The following ZNF83 variants were observed in gnomAD, a reference collection of about 807,000 sequenced individuals.
ZNF83 encodes zinc finger protein 83.
For synonymous variants in ZNF83, 209 were observed against 213.0 expected, an observed-to-expected ratio of 0.98 and a Z score of 0.17; for missense variants, 552 against 629.9, an observed-to-expected ratio of 0.88 and a Z score of 1.32.
chr19:52,644,058 A>G (rs2147231610), intron 3 of ZNF83, among the ~76,000 whole-genome samples: 1 of 152,138 alleles, frequency 6.6e-6, no homozygotes, highest in East Asian at 1.9e-4. Flanking sequence ...AAGCTGGTGG[A>G]GGGTTCCCTG....
In ZNF83 at chr19:52,685,476, C is replaced by A. The variant is rs1185649845; in HGVS notation, c.-283+4967G>T. ...TGCCACTGATTCCTGACATTTAATT[C>A]TTCCTTAAAAAAAAATCACAGTCAC... is the stretch of plus-strand genomic sequence containing the variant. On this transcript the variant is annotated intron_variant, in intron 1 of 5. Transcript: ENST00000594682. 3.3e-5 allele frequency among the ~76,000 whole-genome samples: 5 copies of A among 152,010 alleles called. No homozygotes were observed. In the East Asian group the frequency reaches 9.6e-4, roughly 29 times the overall value.
chr19:52,621,272 C>T (rs2060532730), intron 2 of ZNF83, among the ~76,000 whole-genome samples: 1 of 152,184 alleles, frequency 6.6e-6, no homozygotes, highest in Non-Finnish European at 1.5e-5. Context: ...ACTGTCTTCT[C>T]CAACTTTGTC....
At chr19:52,664,264 T>C (rs2061617600) in intron 1 of ZNF83, among the ~76,000 whole-genome samples, 2 of 151,318 alleles carry the variant, frequency 1.3e-5, no homozygotes, top group African/African-American at 4.9e-5. Context: ...GGGAGGCCGA[T>C]GCGGCTGGAT....
At chr19:52,673,386 T>G (rs1568576881) in intron 1 of ZNF83, among the ~76,000 whole-genome samples, 1 of 151,694 alleles carries the variant, frequency 6.6e-6, no homozygotes, top group Non-Finnish European at 1.5e-5. Context: ...GCCTGTAATC[T>G]CAGATATTCA....
chr19:52,686,253 C>T (rs555249429), intron 1 of ZNF83, among the ~76,000 whole-genome samples: 12 of 151,878 alleles, frequency 7.9e-5, no homozygotes, highest in Non-Finnish European at 1.6e-4. Context: ...TAATTTCAAA[C>T]CGAAACTATT....
intron 2 of ZNF83, chr19:52,618,842 T>C (rs977077060): frequency 1.3e-6 from 2 of 1,486,262 alleles, no homozygotes; most frequent in South Asian, 1.2e-5. Context: ...GCTTCCATTT[T>C]AGTCAAGCAA....
upstream of ZNF83, among the ~76,000 whole-genome samples, chr19:52,643,142 C>T (rs1233492812): frequency 6.6e-6 from 1 of 151,472 alleles, no homozygotes; most frequent in Admixed American, 6.6e-5. Context: ...CATGCCACTG[C>T]ACTCCAGCTG....
chr19:52,639,563 G>T (rs370399377), upstream of ZNF83, among the ~76,000 whole-genome samples: 1 of 151,120 alleles, frequency 6.6e-6, no homozygotes, highest in African/African-American at 2.4e-5. Context: ...CATTACAGAC[G>T]CGCACAACCA....
intron 1 of ZNF83, among the ~76,000 whole-genome samples, chr19:52,661,959 G>C (rs898741219): frequency 6.6e-6 from 1 of 152,182 alleles, no homozygotes; most frequent in African/African-American, 2.4e-5. Flanking sequence ...CCTGAGACAG[G>C]AGCAACCTCA....
At chr19:52,628,313 A>G (rs1356951502) in intron 2 of ZNF83, among the ~76,000 whole-genome samples, 2 of 152,124 alleles carry the variant, frequency 1.3e-5, no homozygotes, top group African/African-American at 4.8e-5. Flanking sequence ...GACCAGCCCA[A>G]GAAACATCTC....
chr19:52,676,262 C>T (rs992380203), intron 1 of ZNF83, among the ~76,000 whole-genome samples: 8 of 152,196 alleles, frequency 5.3e-5, no homozygotes, highest in Non-Finnish European at 1.2e-4. Context: ...GGATTGCAGA[C>T]GGAGTCTCGT....
chr19:52,634,650 T>A (rs2061085406), intron 2 of ZNF83, among the ~76,000 whole-genome samples: 2 of 152,220 alleles, frequency 1.3e-5, no homozygotes, highest in Admixed American at 1.3e-4. Context: ...TCCCCTTATT[T>A]GTCTCCTTTT....
chr19:52,671,207 C>T (rs763198024), intron 1 of ZNF83, among the ~76,000 whole-genome samples: 2 of 152,114 alleles, frequency 1.3e-5, no homozygotes, highest in Non-Finnish European at 2.9e-5. Context: ...GTTTGTAAGG[C>T]ATGACCCCCT....
At chr19:52,633,342 C>G (rs951521545) in intron 2 of ZNF83, among the ~76,000 whole-genome samples, 2 of 152,202 alleles carry the variant, frequency 1.3e-5, no homozygotes, top group African/African-American at 4.8e-5. Flanking sequence ...AAATAAACAG[C>G]TTTATTGCTC....
intron 3 of ZNF83, among the ~76,000 whole-genome samples, chr19:52,653,858 A>T (rs1388457404): frequency 1.3e-5 from 2 of 152,176 alleles, no homozygotes; most frequent in Admixed American, 1.3e-4. Flanking sequence ...TGTCTTCTTA[A>T]ATGTGAGCTA....
upstream of ZNF83, among the ~76,000 whole-genome samples, chr19:52,639,413 C>CTTTTTTTTTTTT (rs1206783591): frequency 4.3e-4 from 23 of 53,868 alleles, 2 homozygotes; most frequent in East Asian, 1.4e-3. Context: ...TTAGTTTTTT[C>CTTTTTTTTTTTT]TATTTTTTTT....
chr19:52,676,481 C>T (rs1375351071), intron 1 of ZNF83, among the ~76,000 whole-genome samples: 1 of 151,876 alleles, frequency 6.6e-6, no homozygotes, highest in Admixed American at 6.6e-5. Flanking sequence ...CCCGGCTAGC[C>T]TCCCCGTCCG....
At chr19:52,630,137 A>G (rs1057093839) in intron 2 of ZNF83, among the ~76,000 whole-genome samples, 7 of 152,214 alleles carry the variant, frequency 4.6e-5, no homozygotes, top group South Asian at 4.1e-4. Flanking sequence ...GACCCCACTG[A>G]AAATCGGACC....
chr19:52,679,556 A>G (rs1406813787), intron 1 of ZNF83, among the ~76,000 whole-genome samples: 12 of 152,330 alleles, frequency 7.9e-5, no homozygotes. Flanking sequence ...GGTTGCAATG[A>G]GCACAGATTG....
Sources: gnomAD v4.1 joint callset for allele counts (sites outside exome capture counted in the v4.1 genomes callset) on GRCh38, gnomAD v4.1.1 for gene constraint, MANE v1.5 for transcripts, NCBI Gene and HGNC (gene_info 2026-07-23, HGNC 2026-07-21) for gene names.